TENM3: variants seen among roughly 807,000 people sequenced by gnomAD.
TENM3 encodes teneurin transmembrane protein 3.
A neutral mutation model predicts 255.1 loss-of-function variants in TENM3; 63 were observed. The observed-to-expected ratio is 0.25, with a 90% CI of 0.20 to 0.30. The LOEUF (loss-of-function observed/expected upper bound fraction) is 0.30. Ranked by LOEUF, TENM3 falls within the 10% of genes least tolerant of loss-of-function variation. The pLI, the probability that TENM3 is intolerant of heterozygous loss-of-function variation, is 1.00. For synonymous variants in TENM3, 1,306 were observed against 1,322.3 expected (o/e 0.99, Z 0.27); for missense variants, 2,929 against 3,461.1 (o/e 0.85, Z 3.86).
At chr4:181,649,910 A>T in the TENM3 span, among the ~76,000 whole-genome samples, 1 of 152,210 alleles carries the variant, frequency 6.6e-6, no homozygotes, top group Non-Finnish European at 1.5e-5. Flanking sequence ...GTCCTTAAAA[A>T]GTTGTACCCG....
the TENM3 span, among the ~76,000 whole-genome samples, chr4:181,976,859 A>G: frequency 6.6e-6 from 1 of 152,224 alleles, no homozygotes; most frequent in African/African-American, 2.4e-5. Context: ...AGGGGAGAAA[A>G]GAAGGAACCG....
the TENM3 span, among the ~76,000 whole-genome samples, chr4:181,986,252 C>T: frequency 3.9e-5 from 6 of 151,940 alleles, no homozygotes; most frequent in African/African-American, 1.2e-4. Flanking sequence ...CATTTCCATT[C>T]ATTTCTCCTC....
chr4:181,813,242 G>A, the TENM3 span, among the ~76,000 whole-genome samples: 1 of 152,116 alleles, frequency 6.6e-6, no homozygotes. Context: ...ATGTTGTGGG[G>A]AGGGGTGGCA....
At chr4:182,657,237 A>T (rs1753832855) in intron 6 of TENM3, among the ~76,000 whole-genome samples, 1 of 152,162 alleles carries the variant, frequency 6.6e-6, no homozygotes, top group Non-Finnish European at 1.5e-5. Context: ...CTGACTTTCC[A>T]AATTCAACAG....
the TENM3 span, among the ~76,000 whole-genome samples, chr4:181,562,719 C>T: frequency 6.6e-6 from 1 of 151,118 alleles, no homozygotes; most frequent in Non-Finnish European, 1.5e-5. Flanking sequence ...TCTTGTCACC[C>T]AGGCTAGAGC....
At chr4:182,561,239 GTATT>G (rs1273425509) in intron 3 of TENM3, among the ~76,000 whole-genome samples, 3 of 151,644 alleles carry the variant, frequency 2.0e-5, no homozygotes, top group African/African-American at 7.3e-5. Context: ...ATTAAAAATT[GTATT>G]TATGAATTCA....
chr4:181,953,253 GGCC>G, the TENM3 span, among the ~76,000 whole-genome samples: 1 of 129,624 alleles, frequency 7.7e-6, no homozygotes, highest in African/African-American at 2.8e-5. Context: ...TAATGATGAT[GGCC>G]ACCACCACCA....
the TENM3 span, among the ~76,000 whole-genome samples, chr4:181,560,881 C>T: frequency 6.6e-6 from 1 of 152,110 alleles, no homozygotes; most frequent in Non-Finnish European, 1.5e-5. Flanking sequence ...GGCTCTAAAG[C>T]TTTTTTTGTG....
the TENM3 span, among the ~76,000 whole-genome samples, chr4:181,551,510 G>T: frequency 6.6e-6 from 1 of 152,246 alleles, no homozygotes; most frequent in Non-Finnish European, 1.5e-5. Flanking sequence ...TGTAGTTAAA[G>T]CTTATTTGAG....
At chr4:181,544,252 TAAACTCTTGCA>T in the TENM3 span, among the ~76,000 whole-genome samples, 1 of 151,976 alleles carries the variant, frequency 6.6e-6, no homozygotes, top group African/African-American at 2.4e-5. Flanking sequence ...TAACTATAAA[TAAACTCTTGCA>T]AGAGTGTTTC....
intron 1 of TENM3, among the ~76,000 whole-genome samples, chr4:182,174,740 A>G (rs1752345408): frequency 6.6e-6 from 1 of 152,202 alleles, no homozygotes; most frequent in Non-Finnish European, 1.5e-5. Context: ...ATGAGCTTTA[A>G]TATCCAATTT....
At chr4:182,072,370 A>G in the TENM3 span, among the ~76,000 whole-genome samples, 1 of 152,142 alleles carries the variant, frequency 6.6e-6, no homozygotes. Flanking sequence ...CATAGGGTAC[A>G]CTGTAGTAGT....
chr4:182,738,647 A>C (rs1206050389), intron 18 of TENM3, 103 bp downstream of exon 18: 2 of 935,392 alleles, frequency 2.1e-6, no homozygotes, highest in African/African-American at 3.4e-5. Flanking sequence ...ATTTTATGCT[A>C]TCCATGCTGT....
At chr4:182,118,554 TACAGGCATGAGCCTGTA>T in the TENM3 span, among the ~76,000 whole-genome samples, 1 of 152,248 alleles carries the variant, frequency 6.6e-6, no homozygotes, top group Non-Finnish European at 1.5e-5. Context: ...GTGCTAGGAT[TACAGGCATGAGCCTGTA>T]ACTGTGCCAG....
At chr4:182,779,692 C>T (rs1342362990) in intron 24 of TENM3, among the ~76,000 whole-genome samples, 1 of 151,548 alleles carries the variant, frequency 6.6e-6, no homozygotes, top group Non-Finnish European at 1.5e-5. Flanking sequence ...AAAAGTGTTC[C>T]TATTTCTCCA....
the TENM3 span, among the ~76,000 whole-genome samples, chr4:182,101,608 G>T: frequency 1.3e-5 from 2 of 152,242 alleles, no homozygotes; most frequent in South Asian, 4.2e-4. Flanking sequence ...GTTACCAGAG[G>T]CAGGGGGGAT....
intron 12 of TENM3, among the ~76,000 whole-genome samples, chr4:182,699,177 A>G (rs1180266411): frequency 6.6e-6 from 1 of 152,230 alleles, no homozygotes; most frequent in African/African-American, 2.4e-5. Flanking sequence ...CTATTGCTAA[A>G]TTAAGCTTTC....
the TENM3 span, among the ~76,000 whole-genome samples, chr4:181,574,529 C>T: frequency 6.7e-6 from 1 of 149,440 alleles, no homozygotes; most frequent in Non-Finnish European, 1.5e-5. Context: ...CAGAGCGAGA[C>T]TCCGTCTCAA....
chr4:182,565,694 A>C (rs1743719987), intron 3 of TENM3, among the ~76,000 whole-genome samples: 4 of 152,228 alleles, frequency 2.6e-5, no homozygotes, highest in Admixed American at 2.6e-4. Flanking sequence ...TGAAATACAC[A>C]GAAAACACAT....
Sources: allele counts gnomAD v4.1 joint callset (sites outside exome capture counted in the v4.1 genomes callset), GRCh38; gene constraint gnomAD v4.1.1; transcripts MANE v1.5; gene names NCBI Gene and HGNC (gene_info 2026-07-23, HGNC 2026-07-21).